NRG1: variants seen among roughly 807,000 people sequenced by gnomAD.
NRG1 encodes pro-neuregulin-1, membrane-bound isoform.
NRG1 carries 18 observed loss-of-function variants against 63.8 expected under a neutral mutation model. That is an observed-to-expected ratio of 0.28 (90% CI 0.19 to 0.42). The LOEUF (loss-of-function observed/expected upper bound fraction) is 0.42. Among genes scored for constraint, NRG1 ranks in the 10% least tolerant of loss-of-function variants. The pLI, the probability that NRG1 is intolerant of heterozygous loss-of-function variation, is 1.00. For synonymous variants in NRG1, 302 were observed against 301.3 expected, an observed-to-expected ratio of 1.00 and a Z score of -0.02; for missense variants, 762 against 814.7, an observed-to-expected ratio of 0.94 and a Z score of 0.79.
chr8:32,306,552 A>G (rs1036185397), intron 1 of NRG1, among the ~76,000 whole-genome samples: 3 of 152,242 alleles, frequency 2.0e-5, no homozygotes, highest in Non-Finnish European at 4.4e-5. Context: ...AGAGAATTGG[A>G]CAAATGACAC....
At chr8:32,418,250 TG>T (rs1341851405) in intron 1 of NRG1, among the ~76,000 whole-genome samples, 1 of 151,976 alleles carries the variant, frequency 6.6e-6, no homozygotes, top group African/African-American at 2.4e-5. Context: ...AAATATAACG[TG>T]TGTTACATAT....
At chr8:31,736,247 T>G (rs1814651069) in intron 1 of NRG1, among the ~76,000 whole-genome samples, 2 of 152,200 alleles carry the variant, frequency 1.3e-5, no homozygotes, top group Non-Finnish European at 2.9e-5. Context: ...CTGCTTCCAG[T>G]GCTAAGAATG....
intron 1 of NRG1, among the ~76,000 whole-genome samples, chr8:32,535,455 GAACA>G (rs1290034552): frequency 6.6e-6 from 1 of 151,892 alleles, no homozygotes; most frequent in Non-Finnish European, 1.5e-5. Context: ...TTTTGGCAGA[GAACA>G]AATACCAAAA....
intron 1 of NRG1, among the ~76,000 whole-genome samples, chr8:32,072,726 A>C (rs1334478782): frequency 6.6e-6 from 1 of 152,166 alleles, no homozygotes; most frequent in Admixed American, 6.5e-5. Flanking sequence ...TCTATTTCTT[A>C]AGGCCTCATT....
At chr8:31,686,191 T>A (rs2131093343) in intron 1 of NRG1, among the ~76,000 whole-genome samples, 1 of 152,340 alleles carries the variant, frequency 6.6e-6, no homozygotes, top group Middle Eastern at 3.4e-3. Context: ...ACATAAAATC[T>A]GTCTCCAAAA....
intron 1 of NRG1, among the ~76,000 whole-genome samples, chr8:32,383,867 C>A (rs78326942): frequency 6.6e-6 from 1 of 152,190 alleles, no homozygotes; most frequent in Admixed American, 6.5e-5. Context: ...AGCCCCACTT[C>A]GTCTGGTAAA....
At chr8:32,588,577 G>A (rs1174683279) in intron 1 of NRG1, among the ~76,000 whole-genome samples, 1 of 152,126 alleles carries the variant, frequency 6.6e-6, no homozygotes, top group Non-Finnish European at 1.5e-5. Context: ...ATTCTTTTAT[G>A]TTGTATAATG....
At chr8:32,311,616 C>G (rs1260149705) in intron 1 of NRG1, among the ~76,000 whole-genome samples, 1 of 152,160 alleles carries the variant, frequency 6.6e-6, no homozygotes. Flanking sequence ...GTTGTTTATT[C>G]TTTACCTGAT....
chr8:32,431,712 A>G (rs1818172760), intron 1 of NRG1, among the ~76,000 whole-genome samples: 1 of 151,586 alleles, frequency 6.6e-6, no homozygotes, highest in Non-Finnish European at 1.5e-5. Flanking sequence ...TTAGTTGTGT[A>G]TTGATAGTCT....
chr8:32,040,444 T>C (rs1171424190), intron 1 of NRG1, among the ~76,000 whole-genome samples: 2 of 152,032 alleles, frequency 1.3e-5, no homozygotes, highest in African/African-American at 4.8e-5. Context: ...GAATGTGCAA[T>C]TGAAGCAGAC....
At chr8:32,177,703 C>G (rs1436385936) in intron 1 of NRG1, among the ~76,000 whole-genome samples, 1 of 151,794 alleles carries the variant, frequency 6.6e-6, no homozygotes, top group Non-Finnish European at 1.5e-5. Flanking sequence ...TATTTTTAAA[C>G]AAGGCTTTAG....
intron 1 of NRG1, among the ~76,000 whole-genome samples, chr8:31,843,043 G>A (rs184035343): frequency 1.3e-5 from 2 of 152,126 alleles, no homozygotes; most frequent in African/African-American, 4.8e-5. Context: ...AACTATAAAG[G>A]TTATTTTGCT....
At chr8:31,911,546 G>A (rs923356235) in intron 1 of NRG1, among the ~76,000 whole-genome samples, 1 of 152,050 alleles carries the variant, frequency 6.6e-6, no homozygotes, top group African/African-American at 2.4e-5. Flanking sequence ...AGACCACATG[G>A]GCACATAGAG....
chr8:31,847,568 T>C (rs957567697), intron 1 of NRG1, among the ~76,000 whole-genome samples: 3 of 152,204 alleles, frequency 2.0e-5, no homozygotes, highest in African/African-American at 7.2e-5. Context: ...ATTTCTGAGA[T>C]CATTTCTTGC....
intron 1 of NRG1, among the ~76,000 whole-genome samples, chr8:32,091,679 G>A (rs1318782977): frequency 2.0e-5 from 3 of 152,086 alleles, no homozygotes; most frequent in African/African-American, 7.2e-5. Context: ...AGTTCCCATT[G>A]GAGAGGATTG....
intron 1 of NRG1, among the ~76,000 whole-genome samples, chr8:32,323,530 C>T (rs1482619245): frequency 6.6e-6 from 1 of 152,212 alleles, no homozygotes; most frequent in Non-Finnish European, 1.5e-5. Context: ...TAGGGCATCC[C>T]TTGGAACAGA....
chr8:32,315,099 G>T (rs1348109092), intron 1 of NRG1, among the ~76,000 whole-genome samples: 1 of 152,126 alleles, frequency 6.6e-6, no homozygotes, highest in Non-Finnish European at 1.5e-5. Context: ...TTTATTTTAA[G>T]TTCTGGGATA....
intron 1 of NRG1, among the ~76,000 whole-genome samples, chr8:32,172,083 G>A (rs1323469304): frequency 1.3e-5 from 2 of 152,160 alleles, no homozygotes; most frequent in African/African-American, 4.8e-5. Context: ...TAGCCTAACT[G>A]GGAGGCACCC....
chr8:32,113,847 T>G (rs1832357014), intron 1 of NRG1, among the ~76,000 whole-genome samples: 2 of 152,202 alleles, frequency 1.3e-5, no homozygotes, highest in East Asian at 3.9e-4. Context: ...TGTCTCTGTG[T>G]GTATGTGTGA....
Sources: allele counts gnomAD v4.1 joint callset (sites outside exome capture counted in the v4.1 genomes callset), GRCh38; gene constraint gnomAD v4.1.1; transcripts MANE v1.5; gene names NCBI Gene and HGNC (gene_info 2026-07-23, HGNC 2026-07-21).